Variants in STPG1 observed in about 807,000 individuals in gnomAD.
STPG1 encodes sperm tail PG-rich repeat containing 1, also known as O(6)-methylguanine-induced apoptosis 2.
In STPG1, 33 loss-of-function variants were observed where a neutral mutation model predicts 40.1. The ratio of observed to expected loss-of-function variants is 0.82; its 90% CI spans 0.62 to 1.10. The LOEUF is 1.10. STPG1 is among the 50% of genes least tolerant of loss of function. The pLI is 0.00. For missense variants in STPG1, 396 were observed against 415.1 expected (o/e 0.95, Z 0.40); for synonymous variants, 150 against 155.0 (o/e 0.97, Z 0.24).
chr1:24,369,265 T>C (rs1470220445), intron 7 of STPG1: 2 of 432,774 alleles, frequency 4.6e-6, no homozygotes, highest in African/African-American at 2.1e-5. Context: ...GTTACAAAAA[T>C]AGAACAATGT....
intron 1 of STPG1, among the ~76,000 whole-genome samples, chr1:24,404,804 C>T (rs1341933796): frequency 4.6e-5 from 7 of 152,100 alleles, no homozygotes; most frequent in South Asian, 2.1e-4. Flanking sequence ...TGTTAAGTCT[C>T]GCTATAGGTT....
At chr1:24,362,460 G>T (rs1240941697) in intron 7 of STPG1, among the ~76,000 whole-genome samples, 2 of 152,168 alleles carry the variant, frequency 1.3e-5, no homozygotes, top group Non-Finnish European at 2.9e-5. Flanking sequence ...GTAAGACAAG[G>T]CCCCTGATTT....
intron 6 of STPG1, 79 bp from the exon 7 acceptor site, chr1:24,369,918 A>G: frequency 7.8e-7 from 1 of 1,287,400 alleles, no homozygotes; most frequent in Non-Finnish European, 1.1e-6. Flanking sequence ...CCCTAAGAAC[A>G]CACCTGATGG....
At chr1:24,407,515 C>T (rs1051619187) in intron 1 of STPG1, among the ~76,000 whole-genome samples, 1 of 150,484 alleles carries the variant, frequency 6.6e-6, no homozygotes, top group Admixed American at 6.6e-5. Flanking sequence ...AATCTCGGCT[C>T]ACTGCACCCT....
intron 1 of STPG1, among the ~76,000 whole-genome samples, chr1:24,413,220 C>T (rs1643806614): frequency 6.6e-6 from 1 of 152,222 alleles, no homozygotes; most frequent in South Asian, 2.1e-4. Flanking sequence ...TCCAATCTCA[C>T]CCTTTTATTT....
rs41307808 is a variant in STPG1, at chr1:24,379,839, C to A, written c.292-16G>T. 0.053 allele frequency: 85,336 copies of A among 1,610,466 alleles called. 3,062 individuals carry two copies. Among genetic ancestry groups the A allele is most frequent in the African/African-American group, 0.13 (9,981 of 74,874 alleles). ...ATCGGGCGCACTGTAAGGAGACAAC[C>A]AAAGGAATCAGCATTGTCACATAAT... On this transcript the variant is annotated splice_polypyrimidine_tract_variant and intron_variant, in intron 4 of 8. Coordinates refer to ENST00000337248, the MANE Select transcript of STPG1 (RefSeq NM_001199013.2).
intron 2 of STPG1, chr1:24,401,097 T>A: frequency 2.2e-6 from 1 of 445,388 alleles, no homozygotes; most frequent in Non-Finnish European, 4.0e-6. Context: ...ATTAGTTTTT[T>A]ATTTTTTAAC....
chr1:24,367,330 T>G (rs1641521722), intron 7 of STPG1, among the ~76,000 whole-genome samples: 2 of 152,148 alleles, frequency 1.3e-5, no homozygotes, highest in South Asian at 4.1e-4. Context: ...AGAAGATATT[T>G]CTCCAGATAA....
intron 4 of STPG1, among the ~76,000 whole-genome samples, chr1:24,381,727 C>T (rs1288155426): frequency 2.6e-5 from 4 of 152,216 alleles, no homozygotes; most frequent in Non-Finnish European, 5.9e-5. Flanking sequence ...TGGTCAGCCT[C>T]ACCCATAATC....
chr1:24,398,970 T>C (rs1175839059), intron 2 of STPG1, among the ~76,000 whole-genome samples: 1 of 152,084 alleles, frequency 6.6e-6, no homozygotes, highest in Non-Finnish European at 1.5e-5. Flanking sequence ...TTTAAGACAT[T>C]AATAAGCTGA....
chr1:24,400,545 A>G (rs1372400157), intron 2 of STPG1, among the ~76,000 whole-genome samples: 1 of 152,148 alleles, frequency 6.6e-6, no homozygotes, highest in Non-Finnish European at 1.5e-5. Context: ...TTAAAGAAAA[A>G]GAGAGTGCAA....
At chr1:24,365,376 G>A (rs74060324) in intron 7 of STPG1, among the ~76,000 whole-genome samples, 1,685 of 152,314 alleles carry the variant, frequency 0.011, 39 homozygotes, top group African/African-American at 0.039. Context: ...GAACTATTTT[G>A]ATCTCCAAAA....
At position 24,401,304 on chromosome 1, in the gene STPG1, CAA is replaced by C. The variant is rs1368224852; in HGVS notation, c.70+13_70+14del. The stretch of plus-strand genomic sequence containing the variant: ...TATGTCAGGAGCTATCTCCTCCCTG[CAA>C]AGACACATGTACCTTTCTGTACTTC... On this transcript the variant is annotated intron_variant, in intron 2 of 8. Transcript: ENST00000337248. 1 of 1,613,278 alleles carries C rather than the reference CAA, an allele frequency of 6.2e-7. No individual in the cohort carries two copies. Among genetic ancestry groups the C allele is most frequent in the South Asian group, 1.1e-5 (1 of 91,040 alleles).
chr1:24,414,531 C>CTTTTTTTTT (rs57135976), upstream of STPG1: 1 of 83,168 alleles, frequency 1.2e-5, no homozygotes, highest in African/African-American at 5.1e-5. Flanking sequence ...GAAATCCAAG[C>CTTTTTTTTT]TTTTTTTTTT....
chr1:24,379,604 T>C (rs763334400), intron 5 of STPG1, 49 bp downstream of exon 5: 2 of 1,585,906 alleles, frequency 1.3e-6, no homozygotes, highest in Non-Finnish European at 1.7e-6. Context: ...TTTATTTTAG[T>C]AAACCATTAA....
chr1:24,371,548 A>G (rs1395914648), intron 6 of STPG1, among the ~76,000 whole-genome samples: 1 of 149,400 alleles, frequency 6.7e-6, no homozygotes, highest in Non-Finnish European at 1.5e-5. Flanking sequence ...CCGAGATTGC[A>G]CCGTTGCTCT....
intron 2 of STPG1, 111 bp downstream of exon 2, chr1:24,401,208 G>A (rs1643209851): frequency 1.2e-6 from 1 of 850,964 alleles, no homozygotes; most frequent in Non-Finnish European, 1.9e-6. Flanking sequence ...ATGCCTGTAA[G>A]GATGGCCCTG....
Position 24,369,179 on chromosome 1 carries a change from C to T in STPG1, c.737+495G>A, listed in dbSNP as rs75640106. On this transcript the variant is annotated intron_variant, in intron 7 of 8. Transcript: ENST00000337248. ...GGTATCACCAACTCGAAAGTCAGGG[C>T]TTAAACTTCCATCGGTATAAAGCTA... 3,543 of 364,460 alleles carry T rather than the reference C, an allele frequency of 9.7e-3. 139 individuals are homozygous for T. The highest frequency in any genetic ancestry group is 0.07 in the African/African-American group (3,287 of 46,692). The allele number at this position is 364,460 out of a possible 1,614,324, so 22.6% of individuals were successfully genotyped here.
At position 24,360,861 on chromosome 1, in the gene STPG1, C is replaced by G; in HGVS notation, c.918G>C (p.Leu306=). The change falls in exon 8 of 9, where the codon CTG becomes CTC. Residue 306 remains leucine, a synonymous_variant. Coordinates refer to ENST00000337248, the MANE Select transcript of STPG1 (RefSeq NM_001199013.2). The part of the protein sequence containing the change: ...RWTAAPPQPG[L]PGPATYKPEL... ...AAACAATCCTCTGACCTGGGCCAGG[C>G]AGGCCTGGCTGAGGCGGCGCCGCTG... 1.2e-6 allele frequency: 2 copies of G among 1,611,990 alleles called. No homozygotes were observed. The highest frequency in any genetic ancestry group is 1.3e-5 in the African/African-American group (1 of 74,952).
Sources: allele counts gnomAD v4.1 joint callset (sites outside exome capture counted in the v4.1 genomes callset), GRCh38; gene constraint gnomAD v4.1.1; transcripts MANE v1.5; gene names NCBI Gene and HGNC (gene_info 2026-07-23, HGNC 2026-07-21).